CNTNAP2: variants seen among roughly 807,000 people sequenced by gnomAD.
CNTNAP2 encodes the protein contactin associated protein 2, also known as contactin-associated protein-like 2.
Under a neutral mutation model 155.2 loss-of-function variants are expected in CNTNAP2, and 98 were observed. The observed-to-expected ratio is 0.63, with a 90% confidence interval of 0.54 to 0.75. The LOEUF (loss-of-function observed/expected upper bound fraction) is 0.75. Among genes scored for constraint, CNTNAP2 ranks in the 30% least tolerant of loss-of-function variants. The probability of loss-of-function intolerance (pLI) is 0.00; values close to 1 mark genes in which losing one functional copy is unlikely to be tolerated. For missense variants in CNTNAP2, 1,727 were observed against 1,688.1 expected, an observed-to-expected ratio of 1.02 and a Z score of -0.40; for synonymous variants, 651 against 631.2, an observed-to-expected ratio of 1.03 and a Z score of -0.47.
intron 10 of CNTNAP2, among the ~76,000 whole-genome samples, chr7:147,457,559 G>T (rs1416414041): frequency 2.0e-5 from 3 of 150,290 alleles, no homozygotes; most frequent in African/African-American, 7.3e-5. Flanking sequence ...AGATATGAGA[G>T]GTTTTTTTTC....
chr7:146,472,818 C>T (rs780594130), intron 1 of CNTNAP2, among the ~76,000 whole-genome samples: 13 of 151,766 alleles, frequency 8.6e-5, no homozygotes, highest in Non-Finnish European at 1.9e-4. Flanking sequence ...CATACTTGGA[C>T]GATCCAATGC....
At chr7:147,364,032 G>A (rs1055291492) in intron 9 of CNTNAP2, among the ~76,000 whole-genome samples, 3 of 152,106 alleles carry the variant, frequency 2.0e-5, no homozygotes, top group Non-Finnish European at 2.9e-5. Context: ...ATACATGCTT[G>A]TAGAAAAGAA....
intron 1 of CNTNAP2, among the ~76,000 whole-genome samples, chr7:146,302,475 A>G (rs1391863649): frequency 6.6e-6 from 1 of 152,192 alleles, no homozygotes; most frequent in African/African-American, 2.4e-5. Flanking sequence ...TATTTCAGAG[A>G]TAGTATTAAA....
chr7:146,432,863 G>A (rs1231751341), intron 1 of CNTNAP2, among the ~76,000 whole-genome samples: 1 of 152,210 alleles, frequency 6.6e-6, no homozygotes, highest in African/African-American at 2.4e-5. Context: ...TCTCCGTGCC[G>A]GTTGACTTTG....
chr7:147,590,137 T>C (rs1003495901), intron 12 of CNTNAP2, among the ~76,000 whole-genome samples: 2 of 152,214 alleles, frequency 1.3e-5, no homozygotes, highest in Non-Finnish European at 2.9e-5. Flanking sequence ...AAAAACATAA[T>C]TTGTGAGTCA....
intron 18 of CNTNAP2, among the ~76,000 whole-genome samples, chr7:148,214,811 C>T (rs773127055): frequency 2.6e-5 from 4 of 152,140 alleles, no homozygotes; most frequent in South Asian, 2.1e-4. Flanking sequence ...CCTCGTGATC[C>T]GCCAGCCTCG....
intron 21 of CNTNAP2, among the ~76,000 whole-genome samples, chr7:148,372,312 A>G (rs778664369): frequency 6.6e-6 from 1 of 152,192 alleles, no homozygotes; most frequent in Non-Finnish European, 1.5e-5. Flanking sequence ...AGTGGGTGGT[A>G]AGTGAATATG....
chr7:147,869,072 G>A (rs982461240), intron 13 of CNTNAP2, among the ~76,000 whole-genome samples: 2 of 152,166 alleles, frequency 1.3e-5, no homozygotes, highest in African/African-American at 2.4e-5. Flanking sequence ...TGGGTGCTGC[G>A]GACCAGAACT....
chr7:147,043,207 G>C (rs1799291947), intron 3 of CNTNAP2, among the ~76,000 whole-genome samples: 1 of 151,552 alleles, frequency 6.6e-6, no homozygotes, highest in Non-Finnish European at 1.5e-5. Flanking sequence ...AATCCTTGTT[G>C]AATGATCGTT....
intron 17 of CNTNAP2, among the ~76,000 whole-genome samples, chr7:148,171,284 T>G (rs1805789088): frequency 6.6e-6 from 1 of 152,226 alleles, no homozygotes. Flanking sequence ...AACAGTATTT[T>G]CTTTTCTAAA....
At chr7:147,969,655 G>A (rs1210088259) in intron 14 of CNTNAP2, among the ~76,000 whole-genome samples, 1 of 152,082 alleles carries the variant, frequency 6.6e-6, no homozygotes, top group Non-Finnish European at 1.5e-5. Flanking sequence ...GTAGCAGAGA[G>A]GATACAGAAA....
intron 13 of CNTNAP2, among the ~76,000 whole-genome samples, chr7:147,763,188 G>A (rs930602216): frequency 2.0e-5 from 3 of 151,680 alleles, no homozygotes; most frequent in Non-Finnish European, 2.9e-5. Context: ...GAACCCGGGA[G>A]GCGGAGGTTG....
intron 8 of CNTNAP2, among the ~76,000 whole-genome samples, chr7:147,143,598 G>A (rs972942284): frequency 6.6e-6 from 1 of 151,868 alleles, no homozygotes; most frequent in Non-Finnish European, 1.5e-5. Context: ...ATACCAAGAT[G>A]TTATAAACTA....
At chr7:146,239,212 G>A (rs1207370496) in intron 1 of CNTNAP2, among the ~76,000 whole-genome samples, 1 of 150,796 alleles carries the variant, frequency 6.6e-6, no homozygotes, top group Admixed American at 6.6e-5. Context: ...GGTGCCAGTG[G>A]CATTTTCCCC....
At chr7:148,059,859 G>C (rs1379919471) in intron 15 of CNTNAP2, among the ~76,000 whole-genome samples, 1 of 151,596 alleles carries the variant, frequency 6.6e-6, no homozygotes, top group African/African-American at 2.4e-5. Flanking sequence ...TAATACTTGA[G>C]TGCATATTAA....
chr7:146,244,865 A>T (rs563420405), intron 1 of CNTNAP2, among the ~76,000 whole-genome samples: 245 of 151,578 alleles, frequency 1.6e-3, no homozygotes, highest in African/African-American at 5.5e-3. Context: ...TATTTTAGTT[A>T]TCTGACTCGG....
intron 16 of CNTNAP2, among the ~76,000 whole-genome samples, chr7:148,118,934 C>T (rs541836229): frequency 6.6e-6 from 1 of 152,308 alleles, no homozygotes; most frequent in African/African-American, 2.4e-5. Flanking sequence ...AGGGGGCGTT[C>T]AGGCTTGGGG....
At chr7:146,318,851 C>G (rs1800953084) in intron 1 of CNTNAP2, among the ~76,000 whole-genome samples, 1 of 152,084 alleles carries the variant, frequency 6.6e-6, no homozygotes, top group South Asian at 2.1e-4. Flanking sequence ...ATATAATAAT[C>G]TTACATAATA....
At chr7:146,826,712 A>C (rs1451020723) in intron 2 of CNTNAP2, among the ~76,000 whole-genome samples, 4 of 151,978 alleles carry the variant, frequency 2.6e-5, no homozygotes, top group South Asian at 4.1e-4. Flanking sequence ...AGTGTGGTCC[A>C]CTCTGAGTGC....
Sources: gnomAD v4.1 joint callset for allele counts (sites outside exome capture counted in the v4.1 genomes callset) on GRCh38, gnomAD v4.1.1 for gene constraint, MANE v1.5 for transcripts, NCBI Gene and HGNC (gene_info 2026-07-23, HGNC 2026-07-21) for gene names.